The following MDGA2 variants were observed in gnomAD, a reference collection of about 807,000 sequenced individuals.
The protein encoded by MDGA2 is MAM domain containing glycosylphosphatidylinositol anchor 2.
In MDGA2, 40 loss-of-function variants were observed where a neutral mutation model predicts 117.8. The ratio of observed to expected loss-of-function variants is 0.34; its 90% CI spans 0.26 to 0.44. The LOEUF (loss-of-function observed/expected upper bound fraction) is 0.44. Among genes scored for constraint, MDGA2 ranks in the 20% least tolerant of loss-of-function variants. The probability of loss-of-function intolerance (pLI) is 1.00; values close to 1 mark genes in which losing one functional copy is unlikely to be tolerated. For missense variants in MDGA2, 1,123 were observed against 1,250.6 expected (o/e 0.90, Z 1.54); for synonymous variants, 452 against 439.0 (o/e 1.03, Z -0.37).
chr14:47,392,528 G>A (rs1212638324), intron 1 of MDGA2, among the ~76,000 whole-genome samples: 2 of 152,054 alleles, frequency 1.3e-5, no homozygotes, highest in East Asian at 3.9e-4. Context: ...TTGAGTGGAA[G>A]ATAAATATAG....
intron 6 of MDGA2, among the ~76,000 whole-genome samples, chr14:47,065,437 G>T (rs1269236581): frequency 6.6e-6 from 1 of 152,146 alleles, no homozygotes; most frequent in African/African-American, 2.4e-5. Flanking sequence ...CTGTGAATGT[G>T]AATGTCAATG....
At chr14:47,024,702 T>C (rs1197400929) in intron 8 of MDGA2, among the ~76,000 whole-genome samples, 1 of 152,208 alleles carries the variant, frequency 6.6e-6, no homozygotes, top group Non-Finnish European at 1.5e-5. Flanking sequence ...GACTTCTTTC[T>C]TTAAGAAAAT....
intron 7 of MDGA2, among the ~76,000 whole-genome samples, chr14:47,045,608 G>A (rs1594561945): frequency 1.3e-5 from 2 of 152,040 alleles, no homozygotes; most frequent in African/African-American, 2.4e-5. Context: ...CAACAAATAT[G>A]TATTAGATTG....
intron 5 of MDGA2, among the ~76,000 whole-genome samples, chr14:47,113,956 G>C (rs1210761061): frequency 6.6e-6 from 1 of 152,096 alleles, no homozygotes; most frequent in Non-Finnish European, 1.5e-5. Flanking sequence ...AGAAAGAGAG[G>C]AAGTCAAACT....
intron 1 of MDGA2, among the ~76,000 whole-genome samples, chr14:47,325,913 C>T (rs1340220635): frequency 6.6e-5 from 10 of 152,054 alleles, no homozygotes; most frequent in Non-Finnish European, 4.4e-5. Context: ...TGGATCATTA[C>T]GGAGGACTCT....
chr14:47,242,561 C>T (rs950948429), intron 2 of MDGA2, among the ~76,000 whole-genome samples: 3 of 151,800 alleles, frequency 2.0e-5, no homozygotes, highest in Non-Finnish European at 4.4e-5. Flanking sequence ...CTGCTGGCCC[C>T]GGGCAATGGG....
intron 1 of MDGA2, among the ~76,000 whole-genome samples, chr14:47,578,728 G>A (rs1337643790): frequency 6.6e-6 from 1 of 151,888 alleles, no homozygotes; most frequent in Non-Finnish European, 1.5e-5. Flanking sequence ...TTCTTTAAAT[G>A]TTGTTTTTAG....
chr14:46,932,881 T>C (rs1417334523), intron 9 of MDGA2, among the ~76,000 whole-genome samples: 1 of 151,668 alleles, frequency 6.6e-6, no homozygotes, highest in Non-Finnish European at 1.5e-5. Flanking sequence ...TCACGAGAAA[T>C]ATATAAAAAG....
chr14:47,365,100 G>A (rs967883794), intron 1 of MDGA2, among the ~76,000 whole-genome samples: 3 of 152,106 alleles, frequency 2.0e-5, no homozygotes, highest in African/African-American at 7.2e-5. Flanking sequence ...AATGGGATTG[G>A]GGAACTAAAC....
At chr14:47,164,123 T>C (rs1212044106) in intron 3 of MDGA2, among the ~76,000 whole-genome samples, 3 of 152,250 alleles carry the variant, frequency 2.0e-5, no homozygotes, top group Non-Finnish European at 4.4e-5. Context: ...TCAGCCAATT[T>C]TGAAATCTGC....
chr14:47,594,386 T>C (rs1054625100), intron 1 of MDGA2, among the ~76,000 whole-genome samples: 1 of 152,228 alleles, frequency 6.6e-6, no homozygotes, highest in Admixed American at 6.5e-5. Context: ...AGTGTTAGCA[T>C]AATGTCTTGA....
intron 1 of MDGA2, among the ~76,000 whole-genome samples, chr14:47,637,966 C>G (rs1897353958): frequency 1.3e-5 from 2 of 152,156 alleles, no homozygotes; most frequent in African/African-American, 2.4e-5. Flanking sequence ...CTTACTGTCT[C>G]CTTTGCCACC....
intron 1 of MDGA2, among the ~76,000 whole-genome samples, chr14:47,477,536 G>T (rs2138628197): frequency 6.6e-6 from 1 of 152,186 alleles, no homozygotes; most frequent in Middle Eastern, 3.4e-3. Flanking sequence ...ATCTAACTCT[G>T]ATTTTTGCTT....
intron 2 of MDGA2, among the ~76,000 whole-genome samples, chr14:47,253,362 C>G (rs990398653): frequency 6.6e-6 from 1 of 152,172 alleles, no homozygotes; most frequent in Non-Finnish European, 1.5e-5. Context: ...TTAATTACTT[C>G]CTAGATACAA....
At chr14:47,635,309 A>C (rs1897304353) in intron 1 of MDGA2, among the ~76,000 whole-genome samples, 3 of 152,160 alleles carry the variant, frequency 2.0e-5, no homozygotes, top group Admixed American at 6.5e-5. Context: ...CATCACTAAT[A>C]AAATCAGATA....
chr14:47,306,936 T>C (rs1342601689), intron 1 of MDGA2, among the ~76,000 whole-genome samples: 4 of 152,060 alleles, frequency 2.6e-5, no homozygotes, highest in Admixed American at 2.6e-4. Flanking sequence ...CAAGAGTCAG[T>C]ATGTATTACT....
chr14:46,961,833 G>A (rs1164746387), intron 8 of MDGA2, among the ~76,000 whole-genome samples: 1 of 151,844 alleles, frequency 6.6e-6, no homozygotes, highest in Non-Finnish European at 1.5e-5. Flanking sequence ...TAGTAGAGAC[G>A]GGGTTTCACC....
chr14:46,964,694 G>T (rs1414657737), intron 8 of MDGA2, among the ~76,000 whole-genome samples: 2 of 152,186 alleles, frequency 1.3e-5, no homozygotes, highest in Non-Finnish European at 2.9e-5. Flanking sequence ...ATGACCGTTG[G>T]AATGTAATAC....
intron 10 of MDGA2, among the ~76,000 whole-genome samples, chr14:46,903,014 A>G (rs1423633030): frequency 6.6e-6 from 1 of 152,226 alleles, no homozygotes; most frequent in East Asian, 1.9e-4. Flanking sequence ...AGCCACGGGA[A>G]GTTTGAGCCA....
Sources: allele counts gnomAD v4.1 joint callset (sites outside exome capture counted in the v4.1 genomes callset), GRCh38; gene constraint gnomAD v4.1.1; transcripts MANE v1.5; gene names NCBI Gene and HGNC (gene_info 2026-07-23, HGNC 2026-07-21).